Variants in MYH10 observed in about 807,000 individuals in gnomAD.
The protein encoded by MYH10 is myosin heavy chain 10.
A neutral mutation model predicts 257.8 loss-of-function variants in MYH10; 55 were observed. The observed-to-expected ratio is 0.21, with a 90% CI of 0.17 to 0.27. The LOEUF (loss-of-function observed/expected upper bound fraction) is 0.27. Among genes scored for constraint, MYH10 ranks in the 10% least tolerant of loss-of-function variants. The pLI, the probability that MYH10 is intolerant of heterozygous loss-of-function variation, is 1.00. For synonymous variants in MYH10, 854 were observed against 921.7 expected (o/e 0.93, Z 1.33); for missense variants, 1,631 against 2,500.6 (o/e 0.65, Z 7.42).
At chr17:8,549,922 G>C (rs1453372948) in intron 9 of MYH10, among the ~76,000 whole-genome samples, 1 of 151,326 alleles carries the variant, frequency 6.6e-6, no homozygotes, top group African/African-American at 2.4e-5. Flanking sequence ...GCCCCTAACC[G>C]CAAGTGATCC....
intron 14 of MYH10, 132 bp downstream of exon 14, chr17:8,541,975 C>T: frequency 1.1e-6 from 1 of 912,236 alleles, no homozygotes; most frequent in Non-Finnish European, 1.6e-6. Context: ...AGAGTATCAC[C>T]TTCCTAGAAA....
At chr17:8,571,179 G>GT (rs68138748) in intron 6 of MYH10, among the ~76,000 whole-genome samples, 134,294 of 144,608 alleles carry the variant, frequency 0.93, 62,770 homozygotes, top group East Asian at 0.98. Flanking sequence ...TAAAGTTTTT[G>GT]TTTTTTTTTT....
chr17:8,554,832 A>G lies in MYH10; in HGVS notation c.757-814T>C, dbSNP rs576445996. Among the ~76,000 whole-genome samples the G allele has an allele frequency of 3.9e-5, 6 of 152,314 alleles. No individual in the cohort carries two copies. The East Asian group carries it at 1.2e-3, about 29-fold the overall frequency. On this transcript the variant is annotated intron_variant, in intron 7 of 42. Transcript: ENST00000360416. ...GCTGGGCATGGTGGCGCATGCCTGT[A>G]ATCCCAGCTACTCGGGAGGCAGAGG...
At chr17:8,542,535 A>G (rs1320747895) in intron 13 of MYH10, among the ~76,000 whole-genome samples, 1 of 152,222 alleles carries the variant, frequency 6.6e-6, no homozygotes, top group Non-Finnish European at 1.5e-5. Context: ...TGCTAAAATG[A>G]AAAGATAATA....
intron 9 of MYH10, 108 bp downstream of exon 9, chr17:8,551,938 T>C (rs947632462): frequency 4.1e-6 from 2 of 482,702 alleles, no homozygotes; most frequent in Non-Finnish European, 7.2e-6. Context: ...AGCTGGAAAT[T>C]TGGTGTTTTG....
intron 6 of MYH10, among the ~76,000 whole-genome samples, chr17:8,575,184 T>C (rs753871123): frequency 3.9e-5 from 6 of 152,062 alleles, no homozygotes; most frequent in Non-Finnish European, 8.8e-5. Flanking sequence ...CAAAGTAAAA[T>C]CTAGGTGGGG....
At chr17:8,610,139 T>C (rs189089749) in intron 2 of MYH10, among the ~76,000 whole-genome samples, 467 of 151,954 alleles carry the variant, frequency 3.1e-3, no homozygotes, top group Non-Finnish European at 3.3e-3. Context: ...GACTCACTAC[T>C]GATCAATCTC....
At chr17:8,601,334 T>C (rs2084584363) in intron 3 of MYH10, among the ~76,000 whole-genome samples, 1 of 152,180 alleles carries the variant, frequency 6.6e-6, no homozygotes, top group South Asian at 2.1e-4. Context: ...TGTTCCTAAA[T>C]TCAGTTCCTA....
chr17:8,571,249 A>T (rs1279953081), intron 6 of MYH10, among the ~76,000 whole-genome samples: 1 of 146,690 alleles, frequency 6.8e-6, no homozygotes, highest in Admixed American at 7.0e-5. Flanking sequence ...ATCTCGGCTC[A>T]CTGCAAACTC....
chr17:8,628,639 ACAAACACAAAC>A (rs1252968433), intron 1 of MYH10, among the ~76,000 whole-genome samples: 3 of 152,166 alleles, frequency 2.0e-5, no homozygotes, highest in Non-Finnish European at 4.4e-5. Flanking sequence ...CCCAATGATC[ACAAACACAAAC>A]CAAACACAAA....
intron 21 of MYH10, among the ~76,000 whole-genome samples, chr17:8,516,572 C>T (rs1255998812): frequency 6.6e-6 from 1 of 152,220 alleles, no homozygotes; most frequent in Non-Finnish European, 1.5e-5. Flanking sequence ...TTGTTTTTAA[C>T]TTTCTATCTT....
rs915751820 is a variant in MYH10, at chr17:8,567,484, C to A, written c.756+2236G>T. Among the ~76,000 whole-genome samples, 3 of 152,166 alleles carry A rather than the reference C, an allele frequency of 2.0e-5. No individual in the cohort carries two copies. The South Asian group carries it at 6.2e-4, about 31-fold the overall frequency. On this transcript the variant is annotated intron_variant, in intron 7 of 42. Coordinates refer to ENST00000360416, the MANE Select transcript of MYH10 (RefSeq NM_001256012.3). ...GAAGGTGCTATGGGCTGAAATGCGT[C>A]CCTGCACAAATTCCTGTGTTGAAGT... is the stretch of plus-strand genomic sequence containing the variant.
At chr17:8,488,546 G>A (rs1250094174) in intron 35 of MYH10, among the ~76,000 whole-genome samples, 1 of 152,214 alleles carries the variant, frequency 6.6e-6, no homozygotes, top group Non-Finnish European at 1.5e-5. Context: ...CCTATGTAGT[G>A]CAGTAGCAGC....
At chr17:8,624,650 G>T (rs1385051145) in intron 1 of MYH10, among the ~76,000 whole-genome samples, 1 of 152,144 alleles carries the variant, frequency 6.6e-6, no homozygotes, top group African/African-American at 2.4e-5. Context: ...TCCCTGAAAT[G>T]GTATAAAAAT....
At chr17:8,475,992 A>G (rs1456089483) in intron 42 of MYH10, 44 bp from the exon 43 acceptor site, 1 of 1,582,188 alleles carries the variant, frequency 6.3e-7, no homozygotes, top group Admixed American at 1.8e-5. Flanking sequence ...AACAGACAGG[A>G]GCACATGGCT....
chr17:8,479,413 G>C (rs1168880464), intron 40 of MYH10, among the ~76,000 whole-genome samples: 2 of 152,324 alleles, frequency 1.3e-5, no homozygotes, highest in Non-Finnish European at 2.9e-5. Flanking sequence ...AGTAGATAGA[G>C]ACAGTCAGCT....
intron 34 of MYH10, among the ~76,000 whole-genome samples, chr17:8,491,369 G>T (rs1007903778): frequency 1.3e-5 from 2 of 152,220 alleles, no homozygotes; most frequent in Admixed American, 1.3e-4. Flanking sequence ...ACATTTCACT[G>T]TGTAACCATG....
In MYH10 at chr17:8,480,284, C is replaced by T. The variant is rs753855723; in HGVS notation, c.5423G>A (p.Arg1808His). 17 of 1,613,992 alleles carry T rather than the reference C, an allele frequency of 1.1e-5. No individual in the cohort carries two copies. Among genetic ancestry groups the T allele is most frequent in the Admixed American group, 1.0e-4 (6 of 60,002 alleles). Residue 1808 changes from arginine (R) to histidine (H), a missense_variant, in exon 40 of 43, where the codon CGC (arginine) becomes CAC (histidine). Around this residue, in one of 11 missense-constraint regions of MYH10, gnomAD observed 343 missense variants for 389.5 expected, o/e 0.88. Coordinates refer to ENST00000360416, the MANE Select transcript of MYH10 (RefSeq NM_001256012.3). ...DTLNAELAAE[R>H]SAAQKSDNAR... ...ATTGTCACTCTTCTGGGCGGCGCTG[C>T]GCTCGGCTGCTAGCTCGGCGTTCAG...
intron 2 of MYH10, among the ~76,000 whole-genome samples, chr17:8,608,591 G>A (rs1055827583): frequency 6.6e-6 from 1 of 152,226 alleles, no homozygotes; most frequent in Non-Finnish European, 1.5e-5. Context: ...TGGATTGCCA[G>A]AGCCTTGGGA....
Sources: gnomAD v4.1 joint callset for allele counts (sites outside exome capture counted in the v4.1 genomes callset) on GRCh38, gnomAD v4.1.1 for gene constraint, gnomAD v4.1.1 regional missense constraint, MANE v1.5 for transcripts, NCBI Gene and HGNC (gene_info 2026-07-23, HGNC 2026-07-21) for gene names.